Variants in SPAG6 observed in about 807,000 individuals in gnomAD.
SPAG6 encodes sperm-associated antigen 6.
In SPAG6, 49 loss-of-function variants were observed where a neutral mutation model predicts 58.5. The ratio of observed to expected loss-of-function variants is 0.84; its 90% CI spans 0.67 to 1.06. The LOEUF is 1.06. Among genes scored for constraint, SPAG6 ranks in the 50% least tolerant of loss-of-function variants. The pLI, the probability that SPAG6 is intolerant of heterozygous loss-of-function variation, is 0.00. For synonymous variants in SPAG6, 233 were observed against 225.6 expected (o/e 1.03, Z -0.29); for missense variants, 560 against 611.3 (o/e 0.92, Z 0.89).
chr10:22,357,204 C>G (rs1836892954), intron 2 of SPAG6, among the ~76,000 whole-genome samples: 1 of 152,048 alleles, frequency 6.6e-6, no homozygotes, highest in African/African-American at 2.4e-5. Context: ...TGTCACTTTC[C>G]CCTGTGTTGC....
rs749746240 is a variant in SPAG6 at position 22,389,190 on chromosome 10, G to T, written c.883G>T (p.Val295Phe). 7 of 1,613,344 alleles carry T rather than the reference G, an allele frequency of 4.3e-6. No homozygotes were observed. The African/African-American group carries it at 9.4e-5, about 22-fold the overall frequency. Residue 295 changes from valine (V) to phenylalanine (F), a missense_variant, in exon 7 of 11, where the codon GTT (valine) becomes TTT (phenylalanine). Coordinates refer to ENST00000376624, the MANE Select transcript of SPAG6 (RefSeq NM_012443.4). ...LSQLVVNAGG[V>F]AAVIDCIGSC... ...ACAGCTGGTAGTTAACGCAGGAGGG[G>T]TTGCTGCCGTGATTGACTGCATTGG...
At chr10:22,400,951 G>A (rs571546189) in intron 8 of SPAG6, among the ~76,000 whole-genome samples, 71 of 151,944 alleles carry the variant, frequency 4.7e-4, no homozygotes, top group Non-Finnish European at 9.7e-4. Flanking sequence ...ACATTTTAAG[G>A]CTTAACACAA....
intron 4 of SPAG6, among the ~76,000 whole-genome samples, chr10:22,371,538 A>G (rs1018859301): frequency 1.3e-5 from 2 of 152,178 alleles, no homozygotes; most frequent in African/African-American, 4.8e-5. Context: ...GGCGTGAGCT[A>G]CTGCGTCCGG....
intron 4 of SPAG6, among the ~76,000 whole-genome samples, chr10:22,368,949 C>T (rs933290855): frequency 1.3e-5 from 2 of 151,928 alleles, no homozygotes; most frequent in Non-Finnish European, 2.9e-5. Flanking sequence ...GGAGAGTAGG[C>T]TTGAGTCTCA....
Position 22,368,650 on chromosome 10 carries a change from A to T in SPAG6, c.444A>T (p.Ala148=). ...DPGVKEAAAW[A]LRYIARHNAE... ...GAGTCAAGGAGGCTGCAGCCTGGGC[A>T]CTTAGATATATTGCAAGACATAATG... The change falls in exon 4 of 11, where the codon GCA becomes GCT. Residue 148 remains alanine, a synonymous_variant. Transcript: ENST00000376624. The T allele has an allele frequency of 6.2e-7, 1 of 1,613,672 alleles. No individual in the cohort carries two copies. Among genetic ancestry groups the T allele is most frequent in the Middle Eastern group, 1.7e-4 (1 of 5,982 alleles).
chr10:22,345,496 A>C lies in SPAG6; in HGVS notation c.-116A>C, dbSNP rs1588626808. 4 of 864,264 alleles carry C rather than the reference A, an allele frequency of 4.6e-6. No homozygotes were observed. In the East Asian group the frequency reaches 1.1e-4, roughly 24 times the overall value. 53.5% of individuals were successfully genotyped at this position (864,264 alleles called of 1,614,324 possible). A position where few individuals can be genotyped will look rare whatever the true frequency, so the allele number is the denominator to read the frequency against. ...GGTTGCCCGGGAGACGCGGGTACAC[A>C]GAGAAGCGGCTCCCGTCGGAGGCCG... On this transcript the variant is annotated 5_prime_UTR_variant, in exon 1 of 11. Coordinates refer to ENST00000376624, the MANE Select transcript of SPAG6 (RefSeq NM_012443.4). This position sits in a 1 kb window ranked among gnomAD's most constrained non-coding sequence, Gnocchi z 6.3.
chr10:22,368,170 T>G (rs1054175714), intron 3 of SPAG6, among the ~76,000 whole-genome samples: 4 of 152,200 alleles, frequency 2.6e-5, no homozygotes, highest in Non-Finnish European at 2.9e-5. Context: ...TTTGGTGTAA[T>G]GCAGATACAT....
At chr10:22,392,376 A>C (rs1272247846) in intron 8 of SPAG6, among the ~76,000 whole-genome samples, 4 of 152,104 alleles carry the variant, frequency 2.6e-5, no homozygotes, top group Non-Finnish European at 5.9e-5. Flanking sequence ...CCTTTTAATT[A>C]TATGTCTTAT....
Position 22,387,940 on chromosome 10 carries a change from T to C in SPAG6, c.796T>C (p.Tyr266His), listed in dbSNP as rs771579987. The C allele has an allele frequency of 1.1e-5, 18 of 1,612,632 alleles. No individual in the cohort carries two copies. Among genetic ancestry groups the C allele is most frequent in the Non-Finnish European group, 1.5e-5 (18 of 1,179,412 alleles). The stretch of plus-strand genomic sequence containing the variant: ...TACCTGTCTGAAGGACAAGGATGAA[T>C]ACGTGAAGAAAAATGCTTCTACTTT... ...VLTCLKDKDE[Y>H]VKKNASTLIR... is the part of the protein sequence containing the mutation. Residue 266 changes from tyrosine (Y) to histidine (H), a missense_variant, in exon 6 of 11, where the codon TAC (tyrosine) becomes CAC (histidine). Tyr to His is a moderately conservative substitution (Grantham distance 83). Coordinates refer to ENST00000376624, the MANE Select transcript of SPAG6 (RefSeq NM_012443.4).
chr10:22,366,955 C>T (rs1837217569), intron 3 of SPAG6, among the ~76,000 whole-genome samples: 1 of 151,820 alleles, frequency 6.6e-6, no homozygotes, highest in African/African-American at 2.4e-5. Context: ...AGTCATTTCT[C>T]ACAGGAGATT....
intron 9 of SPAG6, among the ~76,000 whole-genome samples, chr10:22,409,125 C>A (rs1475341860): frequency 6.6e-6 from 1 of 152,156 alleles, no homozygotes; most frequent in Non-Finnish European, 1.5e-5. Flanking sequence ...CGGAGCTGTT[C>A]CTATTCGGCC....
intron 2 of SPAG6, among the ~76,000 whole-genome samples, chr10:22,348,730 G>A (rs1030812005): frequency 1.3e-5 from 2 of 152,176 alleles, no homozygotes; most frequent in African/African-American, 4.8e-5. Flanking sequence ...ACACTAATAA[G>A]AGAATTTGCT....
chr10:22,399,475 T>C (rs903902845), intron 8 of SPAG6, among the ~76,000 whole-genome samples: 3 of 152,238 alleles, frequency 2.0e-5, no homozygotes, highest in African/African-American at 4.8e-5. Flanking sequence ...ATTCATGTTG[T>C]TGCATGTGTC....
intron 2 of SPAG6, among the ~76,000 whole-genome samples, chr10:22,350,310 AT>A (rs143676994): frequency 0.039 from 5,928 of 152,198 alleles, 357 homozygotes; most frequent in African/African-American, 0.13. Flanking sequence ...CTTAGTCAGA[AT>A]TTTATTCTGT....
At chr10:22,379,829 T>C (rs1303311668) in intron 4 of SPAG6, among the ~76,000 whole-genome samples, 2 of 152,228 alleles carry the variant, frequency 1.3e-5, no homozygotes, top group Non-Finnish European at 2.9e-5. Context: ...AGGGTGTTGC[T>C]CTGTTGCCTA....
intron 6 of SPAG6, 124 bp downstream of exon 6, chr10:22,388,120 T>C: frequency 1.4e-6 from 1 of 737,622 alleles, no homozygotes; most frequent in African/African-American, 1.8e-5. Context: ...GGATTTCTCG[T>C]CTTCTACTGA....
chr10:22,412,780 C>A, intron 10 of SPAG6: 1 of 221,396 alleles, frequency 4.5e-6, no homozygotes. Flanking sequence ...ACCATGTTGG[C>A]CAGGATGGTC....
In SPAG6 at chr10:22,401,247, T is replaced by C; in HGVS notation, c.1284T>C (p.Ile428=). ...EPFLYDAPPN[I]LKHVVGQFSK... is the part of the protein sequence containing the mutation. ...TTCTATATGATGCTCCTCCCAATAT[T>C]CTGAAACATGTGGTTGGACAGTTCA... Residue 428 remains isoleucine (I), a synonymous_variant, in exon 9 of 11, where the codon ATT becomes ATC. Transcript: ENST00000376624. 1 of 1,591,958 alleles carries C rather than the reference T, an allele frequency of 6.3e-7. No homozygotes were observed. The highest frequency in any genetic ancestry group is 8.6e-7 in the Non-Finnish European group (1 of 1,160,062).
chr10:22,367,361 A>T (rs192514035), intron 3 of SPAG6, among the ~76,000 whole-genome samples: 1 of 152,158 alleles, frequency 6.6e-6, no homozygotes. Context: ...AAATATGTCA[A>T]ATCAAAAACA....
Sources: gnomAD v4.1 joint callset for allele counts (sites outside exome capture counted in the v4.1 genomes callset) on GRCh38, gnomAD v4.1.1 for gene constraint, Gnocchi (gnomAD v3.1) non-coding constraint, MANE v1.5 for transcripts, NCBI Gene and HGNC (gene_info 2026-07-23, HGNC 2026-07-21) for gene names.